Variants in DNAH14 observed in about 807,000 individuals in gnomAD.
The protein encoded by DNAH14 is dynein axonemal heavy chain 14.
In DNAH14, 478 loss-of-function variants were observed where a neutral mutation model predicts 520.9. That is an observed-to-expected ratio of 0.92 (90% confidence interval 0.85 to 0.99). The LOEUF (loss-of-function observed/expected upper bound fraction) is 0.99, where lower values mean the gene tolerates loss of function less well. Among genes scored for constraint, DNAH14 ranks in the 50% least tolerant of loss-of-function variants. The pLI, the probability that DNAH14 is intolerant of heterozygous loss-of-function variation, is 0.00. For missense variants in DNAH14, 4,831 were observed against 5,234.5 expected (o/e 0.92, Z 2.38); for synonymous variants, 1,581 against 1,757.2 (o/e 0.90, Z 2.51).
intron 75 of DNAH14, among the ~76,000 whole-genome samples, chr1:225,362,161 C>G (rs1225314197): frequency 2.0e-5 from 3 of 152,158 alleles, no homozygotes; most frequent in African/African-American, 7.2e-5. Flanking sequence ...CAGGTTAACA[C>G]TGTGCTAATA....
At chr1:224,973,795 A>G (rs1464415581) in intron 7 of DNAH14, among the ~76,000 whole-genome samples, 1 of 152,198 alleles carries the variant, frequency 6.6e-6, no homozygotes, top group Admixed American at 6.5e-5. Context: ...GCCAATAAAC[A>G]TATAAAGGAA....
intron 1 of DNAH14, among the ~76,000 whole-genome samples, chr1:224,952,208 GTTCTA>G (rs2060222567): frequency 6.6e-6 from 1 of 152,006 alleles, no homozygotes; most frequent in Non-Finnish European, 1.5e-5. Context: ...ACTCCCTTTT[GTTCTA>G]TTCTATTCTG....
intron 8 of DNAH14, among the ~76,000 whole-genome samples, chr1:225,001,750 A>G (rs1440492761): frequency 6.6e-6 from 1 of 152,164 alleles, no homozygotes; most frequent in East Asian, 1.9e-4. Flanking sequence ...CTTGTTAATA[A>G]GTACTGAGAT....
chr1:225,029,230 G>A (rs2066357965), intron 11 of DNAH14, among the ~76,000 whole-genome samples: 1 of 151,972 alleles, frequency 6.6e-6, no homozygotes, highest in African/African-American at 2.4e-5. Flanking sequence ...AAAACTGGAA[G>A]GGCAGAAATC....
At chr1:225,037,844 G>A (rs2067111731) in intron 11 of DNAH14, among the ~76,000 whole-genome samples, 1 of 152,048 alleles carries the variant, frequency 6.6e-6, no homozygotes, top group Non-Finnish European at 1.5e-5. Context: ...CACCATGCCT[G>A]GCTGATTCTG....
At chr1:225,037,662 G>A (rs977731740) in intron 11 of DNAH14, among the ~76,000 whole-genome samples, 4 of 142,684 alleles carry the variant, frequency 2.8e-5, no homozygotes, top group African/African-American at 7.5e-5. Context: ...ACACATCACC[G>A]TTACAGTGTT....
chr1:225,095,235 C>T (rs542876218), intron 21 of DNAH14, among the ~76,000 whole-genome samples: 13 of 152,206 alleles, frequency 8.5e-5, no homozygotes, highest in Middle Eastern at 3.4e-3. Context: ...ATAGCAAAGA[C>T]GTGGAATTAA....
At chr1:225,375,312 G>A (rs973253057) in intron 78 of DNAH14, among the ~76,000 whole-genome samples, 1 of 152,158 alleles carries the variant, frequency 6.6e-6, no homozygotes, top group Admixed American at 6.5e-5. Flanking sequence ...CTTCACATTT[G>A]TGGAGCAGAA....
At chr1:224,940,136 T>C (rs2059315575) in intron 1 of DNAH14, among the ~76,000 whole-genome samples, 1 of 152,218 alleles carries the variant, frequency 6.6e-6, no homozygotes, top group African/African-American at 2.4e-5. Flanking sequence ...TGTGGTGCTT[T>C]AGTGCTTTCC....
rs775282606 is a variant in DNAH14, at chr1:224,967,489, C to G, written c.557C>G (p.Ser186Cys). ...VYCLPRKSPK[S>C]LYNPYDLQVV... ...TGCCTTCCTCGGAAAAGTCCTAAATCCCTTTACAATCCATATGATCTTCAG... is the reference window on the plus strand; with the variant it reads ...TGCCTTCCTCGGAAAAGTCCTAAATGCCTTTACAATCCATATGATCTTCAG... The change falls in exon 6 of 86, where the codon TCC (serine) becomes TGC (cysteine). Residue 186 changes from serine to cysteine, a missense_variant. Transcript: ENST00000682510. 4 of 1,597,516 alleles carry G rather than the reference C, an allele frequency of 2.5e-6. No individual in the cohort carries two copies. Among genetic ancestry groups the G allele is most frequent in the Non-Finnish European group, 3.4e-6 (4 of 1,173,188 alleles).
chr1:225,066,742 T>C (rs1032860928), intron 17 of DNAH14, among the ~76,000 whole-genome samples: 1 of 151,704 alleles, frequency 6.6e-6, no homozygotes, highest in African/African-American at 2.4e-5. Flanking sequence ...AGTGAGAACA[T>C]ATGATATTTG....
intron 49 of DNAH14, 46 bp downstream of exon 49, chr1:225,266,815 A>G (rs1482472262): frequency 1.4e-6 from 2 of 1,424,804 alleles, no homozygotes; most frequent in Non-Finnish European, 1.9e-6. Flanking sequence ...ATTATTTCTC[A>G]CACTAAATTA....
At chr1:225,199,256 A>G (rs1029947291) in intron 38 of DNAH14, among the ~76,000 whole-genome samples, 10 of 151,402 alleles carry the variant, frequency 6.6e-5, no homozygotes, top group African/African-American at 1.7e-4. Context: ...AATCTTTCTA[A>G]TGGTCTATCA....
intron 27 of DNAH14, among the ~76,000 whole-genome samples, chr1:225,134,091 G>T (rs1332142425): frequency 1.3e-5 from 2 of 152,138 alleles, no homozygotes; most frequent in Non-Finnish European, 2.9e-5. Flanking sequence ...CTGAGACTTT[G>T]CTGAAGTTGC....
At chr1:225,275,685 C>A (rs969949153) in intron 52 of DNAH14, among the ~76,000 whole-genome samples, 1 of 152,050 alleles carries the variant, frequency 6.6e-6, no homozygotes, top group African/African-American at 2.4e-5. Flanking sequence ...TTTTGGTAAC[C>A]CTTATATTTT....
intron 17 of DNAH14, among the ~76,000 whole-genome samples, chr1:225,069,523 T>C (rs1437841551): frequency 6.6e-6 from 1 of 152,212 alleles, no homozygotes; most frequent in Non-Finnish European, 1.5e-5. Flanking sequence ...TTTGTGTATA[T>C]TGAACCAACT....
chr1:225,198,651 T>C (rs1378350268), intron 38 of DNAH14, among the ~76,000 whole-genome samples: 2 of 152,230 alleles, frequency 1.3e-5, no homozygotes, highest in African/African-American at 4.8e-5. Flanking sequence ...TCACACTTAT[T>C]GACTTGCATA....
intron 58 of DNAH14, among the ~76,000 whole-genome samples, chr1:225,306,596 A>G (rs1490733745): frequency 6.6e-6 from 1 of 152,102 alleles, no homozygotes; most frequent in African/African-American, 2.4e-5. Context: ...ATTCACAGCC[A>G]TGTAATCAGT....
intron 72 of DNAH14, among the ~76,000 whole-genome samples, chr1:225,352,874 G>A (rs2095385705): frequency 6.6e-6 from 1 of 151,826 alleles, no homozygotes; most frequent in Admixed American, 6.6e-5. Context: ...TCCTCCCACA[G>A]TTTTCTCTCT....
Sources: gnomAD v4.1 joint callset for allele counts (sites outside exome capture counted in the v4.1 genomes callset) on GRCh38, gnomAD v4.1.1 for gene constraint, MANE v1.5 for transcripts, NCBI Gene and HGNC (gene_info 2026-07-23, HGNC 2026-07-21) for gene names.